Variants in MORC1 observed in about 807,000 individuals in gnomAD.
MORC1 encodes the protein MORC family CW-type zinc finger 1, also known as MORC family CW-type zinc finger protein 1.
Under a neutral mutation model 134.9 loss-of-function variants are expected in MORC1, and 59 were observed. That is an observed-to-expected ratio of 0.44 (90% CI 0.35 to 0.54). The LOEUF (loss-of-function observed/expected upper bound fraction) is 0.54. Ranked by LOEUF, MORC1 falls within the 20% of genes least tolerant of loss-of-function variation. The probability of loss-of-function intolerance (pLI) is 0.00; values close to 1 mark genes in which losing one functional copy is unlikely to be tolerated. For synonymous variants in MORC1, 395 were observed against 391.7 expected, an observed-to-expected ratio of 1.01 and a Z score of -0.10; for missense variants, 947 against 1,134.5, an observed-to-expected ratio of 0.83 and a Z score of 2.37.
intron 14 of MORC1, among the ~76,000 whole-genome samples, chr3:109,045,245 G>A (rs1401200813): frequency 5.3e-5 from 8 of 152,094 alleles, no homozygotes; most frequent in Admixed American, 3.3e-4. Flanking sequence ...TCCTGAGATC[G>A]AAATTTCATA....
At chr3:109,086,919 A>ATAT (rs1202055260) in intron 8 of MORC1, among the ~76,000 whole-genome samples, 1 of 152,110 alleles carries the variant, frequency 6.6e-6, no homozygotes. Context: ...TATATCTAAT[A>ATAT]TAAAGTGACA....
intron 8 of MORC1, 35 bp from the exon 9 acceptor site, chr3:109,069,792 G>T: frequency 6.4e-7 from 1 of 1,572,738 alleles, no homozygotes; most frequent in Non-Finnish European, 8.7e-7. Context: ...ACAATACAGA[G>T]GACACAACAA....
chr3:109,099,032 T>C (rs1430683925), intron 6 of MORC1, among the ~76,000 whole-genome samples: 5 of 152,106 alleles, frequency 3.3e-5, no homozygotes, highest in Non-Finnish European at 5.9e-5. Context: ...ATATTTTATT[T>C]ATTTTTAAAA....
intron 24 of MORC1, among the ~76,000 whole-genome samples, chr3:108,972,784 G>A (rs1947426791): frequency 1.3e-5 from 2 of 152,088 alleles, no homozygotes; most frequent in South Asian, 4.1e-4. Flanking sequence ...CCCACCACAG[G>A]CTTGAAACCT....
intron 13 of MORC1, among the ~76,000 whole-genome samples, chr3:109,056,812 G>A (rs183103468): frequency 5.3e-5 from 8 of 152,262 alleles, no homozygotes; most frequent in South Asian, 4.1e-4. Flanking sequence ...TTTTCTGTGC[G>A]TCTCTTCAGG....
intron 17 of MORC1, among the ~76,000 whole-genome samples, chr3:109,023,556 A>AT (rs1949008185): frequency 6.6e-6 from 1 of 152,172 alleles, no homozygotes; most frequent in Non-Finnish European, 1.5e-5. Flanking sequence ...TATTAAGTGG[A>AT]TTTTAGATGG....
intron 10 of MORC1, among the ~76,000 whole-genome samples, chr3:109,062,475 C>CA (rs1010014862): frequency 1.3e-5 from 2 of 148,822 alleles, no homozygotes. Flanking sequence ...GGCTGGAGTG[C>CA]AGTGGCGCGA....
chr3:109,060,814 G>A (rs984981224), intron 11 of MORC1, among the ~76,000 whole-genome samples: 7 of 152,096 alleles, frequency 4.6e-5, no homozygotes, highest in African/African-American at 1.7e-4. Flanking sequence ...CAGAGGCAGG[G>A]AGAAGAAACA....
rs138449727 is a variant in MORC1, at chr3:108,983,764, A to T, written c.2324+952T>A. On this transcript the variant is annotated intron_variant, in intron 23 of 27. Transcript: ENST00000232603. ...AGGAGAGTCAAGGAGACCCTAAAGA[A>T]GGGAACACTTGAACTGAGACTTAAA... Among the ~76,000 whole-genome samples the T allele has an allele frequency of 6.6e-3, 1,000 of 152,324 alleles. 15 individuals carry two copies. Among genetic ancestry groups the T allele is most frequent in the African/African-American group, 0.023 (968 of 41,586 alleles).
chr3:109,076,318 A>C (rs748104422), intron 8 of MORC1, among the ~76,000 whole-genome samples: 6 of 152,206 alleles, frequency 3.9e-5, no homozygotes, highest in Non-Finnish European at 8.8e-5. Flanking sequence ...ATCATTAAAA[A>C]GTCAGGAAAC....
In MORC1 at chr3:109,027,802, A is replaced by G. The variant is rs201188368; in HGVS notation, c.1653T>C (p.Leu551=). 8.1e-6 allele frequency: 13 copies of G among 1,613,854 alleles called. No individual in the cohort carries two copies. The highest frequency in any genetic ancestry group is 1.7e-5 in the Admixed American group (1 of 59,984). ...SPSKNEKEKQ[L]RESVIKYQNR... is the part of the protein sequence containing the mutation. The stretch of plus-strand genomic sequence containing the variant: ...TTTGATACTTTATGACCGACTCTCT[A>G]AGTTGCTTCTCTTTCTCATTTTTTG... Residue 551 remains leucine (L), a synonymous_variant, in exon 17 of 28, where the codon CTT becomes CTC. Transcript: ENST00000232603.
intron 20 of MORC1, among the ~76,000 whole-genome samples, chr3:109,002,044 G>A (rs1017207629): frequency 3.3e-5 from 5 of 152,086 alleles, no homozygotes; most frequent in Non-Finnish European, 7.4e-5. Flanking sequence ...TCCAGGAAAG[G>A]GCAGAGTTAC....
intron 3 of MORC1, among the ~76,000 whole-genome samples, chr3:109,107,549 A>G (rs1165458379): frequency 6.6e-6 from 1 of 152,252 alleles, no homozygotes; most frequent in African/African-American, 2.4e-5. Flanking sequence ...ACACAAACGT[A>G]TAAAACACCA....
intron 21 of MORC1, among the ~76,000 whole-genome samples, chr3:108,997,328 T>C (rs1948261616): frequency 6.6e-6 from 1 of 151,758 alleles, no homozygotes. Context: ...AGGCCAGGAG[T>C]TTGGGCCAGC....
At chr3:108,988,518 A>G (rs1947955790) in intron 21 of MORC1, among the ~76,000 whole-genome samples, 1 of 152,170 alleles carries the variant, frequency 6.6e-6, no homozygotes, top group Non-Finnish European at 1.5e-5. Context: ...ATATAAGGAA[A>G]ATCTACATGA....
chr3:109,041,539 C>T lies in MORC1; in HGVS notation c.1331-6071G>A, dbSNP rs559847099. 5.3e-5 allele frequency among the ~76,000 whole-genome samples: 8 copies of T among 152,076 alleles called. No individual in the cohort carries two copies. In the East Asian group the frequency reaches 1.6e-3, roughly 29 times the overall value. ...CCAGCCTGGCCAACATGGTAAACCC[C>T]ATCTCTACTAAAAATGCAAAAAAAT... On this transcript the variant is annotated intron_variant, in intron 14 of 27. Coordinates refer to ENST00000232603, the MANE Select transcript of MORC1 (RefSeq NM_014429.4).
At chr3:109,052,778 G>T (rs1309908412) in intron 14 of MORC1, among the ~76,000 whole-genome samples, 1 of 152,040 alleles carries the variant, frequency 6.6e-6, no homozygotes, top group African/African-American at 2.4e-5. Context: ...TCTATTTCTT[G>T]ACATAAATGG....
At chr3:108,968,955 G>T (rs1947293431) in intron 26 of MORC1, among the ~76,000 whole-genome samples, 1 of 147,548 alleles carries the variant, frequency 6.8e-6, no homozygotes, top group Admixed American at 6.8e-5. Flanking sequence ...GAGTACCAGG[G>T]TTTTTTTTTT....
chr3:109,068,649 T>C (rs949255747), intron 9 of MORC1, among the ~76,000 whole-genome samples: 3 of 152,200 alleles, frequency 2.0e-5, no homozygotes, highest in Non-Finnish European at 4.4e-5. Context: ...GATTTTGCCA[T>C]TGTGAATTGT....
Sources: allele counts gnomAD v4.1 joint callset (sites outside exome capture counted in the v4.1 genomes callset), GRCh38; gene constraint gnomAD v4.1.1; transcripts MANE v1.5; gene names NCBI Gene and HGNC (gene_info 2026-07-23, HGNC 2026-07-21).